C21orf58: variants seen among roughly 807,000 people sequenced by gnomAD.
C21orf58 encodes the protein chromosome 21 open reading frame 58.
C21orf58 carries 34 observed loss-of-function variants against 35.8 expected under a neutral mutation model. The observed-to-expected ratio is 0.95, with a 90% confidence interval of 0.72 to 1.26. The LOEUF (loss-of-function observed/expected upper bound fraction) is 1.26, where lower values mean the gene tolerates loss of function less well. Among genes scored for constraint, C21orf58 ranks in the 50% most tolerant of loss-of-function variants. The pLI is 0.00. For missense variants in C21orf58, 440 were observed against 414.3 expected (o/e 1.06, Z -0.54); for synonymous variants, 191 against 175.8 (o/e 1.09, Z -0.68).
In C21orf58 at chr21:46,311,699, C is replaced by G. The variant is rs1053663167; in HGVS notation, c.610-132G>C. 3 of 469,764 alleles carry G rather than the reference C, an allele frequency of 6.4e-6. No homozygotes were observed. The Admixed American group carries it at 1.0e-4, about 16-fold the overall frequency. The allele number at this position is 469,764 out of a possible 1,614,324, so 29.1% of individuals were successfully genotyped here. Reference sequence around the variant, plus strand: ...ACCATCCACCCATCCATCCAACCAACCAACCAACCAACCAACCATCCACCC... The same window carrying G: ...ACCATCCACCCATCCATCCAACCAAGCAACCAACCAACCAACCATCCACCC... On this transcript the variant is annotated intron_variant, in intron 5 of 7. Coordinates refer to ENST00000291691, the MANE Select transcript of C21orf58 (RefSeq NM_058180.5).
At position 46,302,481 on chromosome 21, in the gene C21orf58, C is replaced by T; in HGVS notation, c.813+4G>A. ...CCTAGGGTTCTGCTGGGGGCTAAGC[C>T]TACCTGCAGGGCTGGGGGCAGGGCC... On this transcript the variant is annotated splice_donor_region_variant and intron_variant, in intron 7 of 7. Transcript: ENST00000291691. 1 of 1,602,962 alleles carries T rather than the reference C, an allele frequency of 6.2e-7. No homozygotes were observed. The highest frequency in any genetic ancestry group is 2.2e-5 in the East Asian group (1 of 44,578).
chr21:46,312,357 C>T (rs56134439), intron 5 of C21orf58, among the ~76,000 whole-genome samples: 34,098 of 151,944 alleles, frequency 0.22, 4,277 homozygotes, highest in Middle Eastern at 0.32. Context: ...TTGCTCTTGT[C>T]GCCCAGGCTG....
intron 1 of C21orf58, 110 bp from the exon 2 acceptor site, chr21:46,318,330 A>T: frequency 6.6e-7 from 1 of 1,510,814 alleles, no homozygotes. Context: ...TGCCAGACAC[A>T]GGGAGGCCCC....
intron 6 of C21orf58, among the ~76,000 whole-genome samples, chr21:46,311,047 T>A (rs1346804426): frequency 6.6e-6 from 1 of 151,884 alleles, no homozygotes; most frequent in Non-Finnish European, 1.5e-5. Context: ...GGTTTTTGTA[T>A]TTTTAGTAGA....
Position 46,310,099 on chromosome 21 carries a change from AAAAG to A in C21orf58, c.721+1353_721+1356del, listed in dbSNP as rs569580458. 2.1e-3 allele frequency among the ~76,000 whole-genome samples: 315 copies of A among 152,324 alleles called. 3 individuals carry two copies. The highest frequency in any genetic ancestry group is 0.02 in the Middle Eastern group (6 of 294). On this transcript the variant is annotated intron_variant, in intron 6 of 7. Transcript: ENST00000291691. Reference sequence around the variant, plus strand: ...CATGGGGGTGTAGGAGGAGGGATTAAAAAGAAACACGAGGAAACTTTGGAGGTGA... The same window carrying A: ...CATGGGGGTGTAGGAGGAGGGATTAAAAACACGAGGAAACTTTGGAGGTGA...
Position 46,322,713 on chromosome 21 carries a change from G to GT in C21orf58, c.25dup (p.Thr9AsnfsTer18). ...GAGCTTCCACGGCTTCCTGAGGGAG[G>GT]TTGCAGGGAGCCGAGATCGCGCCAT... is the stretch of plus-strand genomic sequence containing the variant. On this transcript the variant is annotated frameshift_variant, in exon 1 of 8. Coordinates refer to ENST00000291691, the MANE Select transcript of C21orf58 (RefSeq NM_058180.5). LOFTEE classifies it high-confidence loss of function. 1.3e-6 allele frequency: 2 copies of GT among 1,561,720 alleles called. No individual in the cohort carries two copies. The highest frequency in any genetic ancestry group is 8.7e-7 in the Non-Finnish European group (1 of 1,152,594).
chr21:46,300,698 T>C, downstream of C21orf58: 1 of 1,284,792 alleles, frequency 7.8e-7, no homozygotes, highest in Non-Finnish European at 1.0e-6. Context: ...GTGGCAACTC[T>C]CTGGTCATCC....
chr21:46,310,340 A>G (rs564516763), intron 6 of C21orf58, among the ~76,000 whole-genome samples: 5 of 151,652 alleles, frequency 3.3e-5, no homozygotes, highest in Non-Finnish European at 7.4e-5. Flanking sequence ...ATAGCTGGGC[A>G]TGGTGGTGGG....
chr21:46,301,900 G>A lies in C21orf58; in HGVS notation c.*99C>T, dbSNP rs888962339. ...GCGTAGCCACTCCGGGTGGTGGCAGGGTCTCTCCCTGCTCCCTTCCATAGT... is the reference window on the plus strand; with the variant it reads ...GCGTAGCCACTCCGGGTGGTGGCAGAGTCTCTCCCTGCTCCCTTCCATAGT... On this transcript the variant is annotated 3_prime_UTR_variant, in exon 8 of 8. Transcript: ENST00000291691. 2.1e-5 allele frequency: 28 copies of A among 1,340,158 alleles called. 1 individual carries two copies. In the South Asian group the frequency reaches 5.2e-4, roughly 25 times the overall value. 83.0% of individuals were successfully genotyped at this position (1,340,158 alleles called of 1,614,324 possible).
intron 6 of C21orf58, among the ~76,000 whole-genome samples, chr21:46,307,040 C>T (rs1330683052): frequency 6.6e-6 from 1 of 152,092 alleles, no homozygotes; most frequent in African/African-American, 2.4e-5. Flanking sequence ...GGATTACAGG[C>T]GCCCACCACC....
intron 5 of C21orf58, among the ~76,000 whole-genome samples, chr21:46,312,443 C>G (rs970217797): frequency 6.6e-6 from 1 of 152,096 alleles, no homozygotes; most frequent in Non-Finnish European, 1.5e-5. Flanking sequence ...CTCAGCCTCC[C>G]GAGTAGCTGG....
intron 6 of C21orf58, among the ~76,000 whole-genome samples, chr21:46,305,327 CTT>C (rs35138310): frequency 5.6e-4 from 61 of 109,100 alleles, no homozygotes; most frequent in Middle Eastern, 4.9e-3. Flanking sequence ...ACAAATTAAT[CTT>C]TTTTTTTTTT....
In C21orf58 at chr21:46,301,966, G is replaced by A; in HGVS notation, c.*33C>T. The A allele has an allele frequency of 1.3e-6, 2 of 1,484,966 alleles. No homozygotes were observed. Among genetic ancestry groups the A allele is most frequent in the African/African-American group, 1.4e-5 (1 of 70,770 alleles). The allele number at this position is 1,484,966 out of a possible 1,614,324, so 92.0% of individuals were successfully genotyped here. ...AGCCCTGAGGAAGCCTGGGGGTGGA[G>A]GGTGCCCCGGCCAGGGTCTCTGTGA... On this transcript the variant is annotated 3_prime_UTR_variant, in exon 8 of 8. Transcript: ENST00000291691.
At chr21:46,302,715 C>A in intron 6 of C21orf58, 139 bp from the exon 7 acceptor site, 1 of 688,610 alleles carries the variant, frequency 1.5e-6, no homozygotes, top group Non-Finnish European at 2.5e-6. Flanking sequence ...AGTCCGTCTG[C>A]ACACGGTGCG....
chr21:46,301,718 A>G lies in C21orf58; in HGVS notation c.*281T>C. The G allele has an allele frequency of 8.4e-7, 1 of 1,193,070 alleles. No homozygotes were observed. The highest frequency in any genetic ancestry group is 1.0e-6 in the Non-Finnish European group (1 of 963,318). The allele number at this position is 1,193,070 out of a possible 1,614,324, so 73.9% of individuals were successfully genotyped here. On this transcript the variant is annotated 3_prime_UTR_variant, in exon 8 of 8. Coordinates refer to ENST00000291691, the MANE Select transcript of C21orf58 (RefSeq NM_058180.5). ...CCCAGGTGGGCCGGCGCCGCCCTAC[A>G]GGAAAGGAGGGGTCCCTGGGAGGGG...
intron 4 of C21orf58, 160 bp from the exon 5 acceptor site, chr21:46,315,040 G>A (rs1261981629): frequency 6.6e-7 from 1 of 1,521,686 alleles, no homozygotes; most frequent in Admixed American, 2.2e-5. Flanking sequence ...ATGTGCATGA[G>A]GGTGGCCTCC....
At position 46,323,193 on chromosome 21, in the gene C21orf58, G is replaced by T. The variant is rs1457316959; in HGVS notation, c.-455C>A. The T allele has an allele frequency of 6.5e-6, 1 of 152,672 alleles. No homozygotes were observed. The highest frequency in any genetic ancestry group is 1.5e-5 in the Non-Finnish European group (1 of 68,330). 9.5% of individuals were successfully genotyped at this position (152,672 alleles called of 1,614,324 possible). A position where few individuals can be genotyped will look rare whatever the true frequency, so the allele number is the denominator to read the frequency against. Reference sequence around the variant, plus strand: ...GCGGTCCCGCCACAGGTCACAGGCGGTGCGGACCCCGGGACTGTGTCCGGG... The same window carrying T: ...GCGGTCCCGCCACAGGTCACAGGCGTTGCGGACCCCGGGACTGTGTCCGGG... On this transcript the variant is annotated 5_prime_UTR_variant, in exon 1 of 8. Coordinates refer to ENST00000291691, the MANE Select transcript of C21orf58 (RefSeq NM_058180.5).
intron 6 of C21orf58, among the ~76,000 whole-genome samples, chr21:46,303,758 T>A (rs1204179201): frequency 5.8e-4 from 54 of 93,538 alleles, no homozygotes; most frequent in Non-Finnish European, 9.7e-4. Flanking sequence ...TTTTTTTTTT[T>A]TTTTTTTTTT....
rs779024288 is a variant in C21orf58, at chr21:46,302,134, C to T, written c.834G>A (p.Pro278=). 8.0e-6 allele frequency: 12 copies of T among 1,508,778 alleles called. No homozygotes were observed. Among genetic ancestry groups the T allele is most frequent in the Middle Eastern group, 3.4e-4 (2 of 5,800 alleles). 93.5% of individuals were successfully genotyped at this position (1,508,778 alleles called of 1,614,324 possible). A position where few individuals can be genotyped will look rare whatever the true frequency, so the allele number is the denominator to read the frequency against. The change falls in exon 8 of 8, where the codon CCG becomes CCA. Residue 278 remains proline, a synonymous_variant. Transcript: ENST00000291691. ...PALQDPPHVP[P]RVPRAARPRL... is the part of the protein sequence containing the mutation. ...TTGGCCTGGCAGCTCGTGGGACCCT[C>T]GGGGGCACATGTGGCGGGTCCTGCC...
Sources: gnomAD v4.1 joint callset for allele counts (sites outside exome capture counted in the v4.1 genomes callset) on GRCh38, gnomAD v4.1.1 for gene constraint, MANE v1.5 for transcripts, NCBI Gene and HGNC (gene_info 2026-07-23, HGNC 2026-07-21) for gene names.